The following FBXL8 variants were observed in gnomAD, a reference collection of about 807,000 sequenced individuals.
The protein encoded by FBXL8 is F-box/LRR-repeat protein 8.
A neutral mutation model predicts 8.2 loss-of-function variants in FBXL8; 13 were observed. The ratio of observed to expected loss-of-function variants is 1.58; its 90% CI spans 1.03 to 2.51. The LOEUF is 2.51. Among genes scored for constraint, FBXL8 ranks in the 30% most tolerant of loss-of-function variants. The pLI is 0.00. For missense variants in FBXL8, 565 were observed against 540.4 expected (o/e 1.05, Z -0.45); for synonymous variants, 271 against 260.5 (o/e 1.04, Z -0.39).
chr16:67,162,163 C>T, intron 2 of FBXL8: 1 of 468,878 alleles, frequency 2.1e-6, no homozygotes, highest in South Asian at 3.4e-5. Flanking sequence ...AACCCCGTCT[C>T]TACTAAAATA....
rs199975180 is a variant in FBXL8 at position 67,163,816 on chromosome 16, C to A, written c.1121C>A (p.Ala374Glu). 3.9e-6 allele frequency: 6 copies of A among 1,543,430 alleles called. No individual in the cohort carries two copies. Among genetic ancestry groups the A allele is most frequent in the Middle Eastern group, 3.7e-4 (2 of 5,386 alleles). ...CATCCCTGGAGGCCTACGCTCGTGG[C>A]GTGATTGGGCGACTTCTCTCCCCCG... Reference protein sequence around the residue: ...EPHPWRPTLVA With the variant: ...EPHPWRPTLVE Residue 374 changes from alanine (A) to glutamate (E), a missense_variant, in exon 3 of 3, where the codon GCG (alanine) becomes GAG (glutamate). Coordinates refer to ENST00000258200, the MANE Select transcript of FBXL8 (RefSeq NM_018378.3).
In FBXL8 at chr16:67,163,405, T is replaced by G; in HGVS notation, c.710T>G (p.Leu237Arg). The G allele has an allele frequency of 6.5e-7, 1 of 1,538,290 alleles. No individual in the cohort carries two copies. Among genetic ancestry groups the G allele is most frequent in the Non-Finnish European group, 8.7e-7 (1 of 1,147,588 alleles). Residue 237 changes from leucine (L) to arginine (R), a missense_variant, in exon 3 of 3, where the codon CTG (leucine) becomes CGG (arginine). Transcript: ENST00000258200. Reference sequence around the variant, plus strand: ...CCCGAAGATGCACGCGCGTCCCCGCTGCCCAACGAAGCCTGGGTCGCGTTG... The same window carrying G: ...CCCGAAGATGCACGCGCGTCCCCGCGGCCCAACGAAGCCTGGGTCGCGTTG... ...ACPEDARASP[L>R]PNEAWVALRR...
Position 67,163,303 on chromosome 16 carries a change from T to G in FBXL8, c.608T>G (p.Leu203Trp). 6.3e-7 allele frequency: 1 copy of G among 1,576,406 alleles called. No individual in the cohort carries two copies. The highest frequency in any genetic ancestry group is 1.1e-5 in the South Asian group (1 of 87,722). Residue 203 changes from leucine to tryptophan, a missense_variant, in exon 3 of 3, where the codon TTG (leucine) becomes TGG (tryptophan). By Grantham distance (61) the Leu-to-Trp change is moderately conservative (BLOSUM62 -2). Transcript: ENST00000258200. ...GCTCTCGGCCTGCACCTAGCCAGTT[T>G]GTCGCACGCCATCCTCGAAGCACTG... ...LRALGLHLASLSHAILEALAA... is the reference protein window; with the variant it reads ...LRALGLHLASWSHAILEALAA...
In FBXL8 at chr16:67,161,923, C is replaced by G; in HGVS notation, c.138C>G (p.His46Gln). The change falls in exon 2 of 3, where the codon CAC becomes CAG. Residue 46 changes from histidine to glutamine, a missense_variant. Coordinates refer to ENST00000258200, the MANE Select transcript of FBXL8 (RefSeq NM_018378.3). ...AAAATCSAVW[H>Q]DTKISCECEL... ...CTGCTACCTGCAGCGCCGTGTGGCA[C>G]GACACAAAAATCAGGTGAGCCTGCT... 6.2e-7 allele frequency: 1 copy of G among 1,607,510 alleles called. No homozygotes were observed. Among genetic ancestry groups the G allele is most frequent in the East Asian group, 2.2e-5 (1 of 44,698 alleles).
Position 67,161,918 on chromosome 16 carries a change from TG to T in FBXL8, c.135del (p.Trp45CysfsTer49). The T allele has an allele frequency of 6.2e-7, 1 of 1,608,990 alleles. No individual in the cohort carries two copies. Reference sequence around the variant, plus strand: ...CGCCGCTGCTACCTGCAGCGCCGTGTGGCACGACACAAAAATCAGGTGAGCC... The same window carrying T: ...CGCCGCTGCTACCTGCAGCGCCGTGTGCACGACACAAAAATCAGGTGAGCC... ...WAAAATCSAV[W>X]HDTKISCECE... On this transcript the variant is annotated frameshift_variant, in exon 2 of 3. Transcript: ENST00000258200. LOFTEE classifies it low-confidence loss of function (END_TRUNC).
intron 1 of FBXL8, chr16:67,161,387 G>A (rs1182454750): frequency 5.9e-6 from 1 of 170,150 alleles, no homozygotes; most frequent in Non-Finnish European, 1.3e-5. Flanking sequence ...AGGGTGCAGT[G>A]AGTTGTGATT....
chr16:67,161,441 CAAAAAAAAAGAAAAAAA>C (rs2030895476), intron 1 of FBXL8, among the ~76,000 whole-genome samples: 1 of 100,522 alleles, frequency 9.9e-6, no homozygotes, highest in Non-Finnish European at 2.0e-5. Context: ...GACCCTGTCT[CAAAAAAAAAGAAAAAAA>C]AAAAAAAAAG....
chr16:67,164,112 A>G lies in FBXL8; in HGVS notation c.*292A>G. 1 of 674,450 alleles carries G rather than the reference A, an allele frequency of 1.5e-6. No individual in the cohort carries two copies. The highest frequency in any genetic ancestry group is 2.7e-6 in the Non-Finnish European group (1 of 369,384). The allele number at this position is 674,450 out of a possible 1,614,324, so 41.8% of individuals were successfully genotyped here. On this transcript the variant is annotated 3_prime_UTR_variant, in exon 3 of 3. Coordinates refer to ENST00000258200, the MANE Select transcript of FBXL8 (RefSeq NM_018378.3). Reference sequence around the variant, plus strand: ...AGCTCCGCGGCCCCGGCGCAGGGAGAGGGAGGGCACGGGCGCGGGCCGGGC... The same window carrying G: ...AGCTCCGCGGCCCCGGCGCAGGGAGGGGGAGGGCACGGGCGCGGGCCGGGC...
In FBXL8 at chr16:67,163,155, G is replaced by A; in HGVS notation, c.460G>A (p.Val154Met). The A allele has an allele frequency of 6.4e-7, 1 of 1,567,300 alleles. No individual in the cohort carries two copies. Among genetic ancestry groups the A allele is most frequent in the Non-Finnish European group, 8.6e-7 (1 of 1,157,386 alleles). Residue 154 changes from valine to methionine, a missense_variant, in exon 3 of 3, where the codon GTG (valine) becomes ATG (methionine). Physicochemically the swap from Val to Met is conservative, Grantham distance 21 (BLOSUM62 1). Coordinates refer to ENST00000258200, the MANE Select transcript of FBXL8 (RefSeq NM_018378.3). The part of the protein sequence containing the change: ...RLSFTLDDAL[V>M]LQAARSCPEL... ...GTCCTTCACACTGGACGACGCGCTG[G>A]TGCTGCAGGCGGCGCGCAGCTGTCC...
rs946205002 is a variant in FBXL8 at position 67,163,768 on chromosome 16, C to A, written c.1073C>A (p.Thr358Asn). The stretch of plus-strand genomic sequence containing the variant: ...CACTGCCCGCGCCTGCGCACCTATA[C>A]CCTCAAGCTCACGCGCGAGCCGCAT... ...RAHCPRLRTY[T>N]LKLTREPHPW... The change falls in exon 3 of 3, where the codon ACC becomes AAC. Residue 358 changes from threonine to asparagine, a missense_variant. Coordinates refer to ENST00000258200, the MANE Select transcript of FBXL8 (RefSeq NM_018378.3). 7 of 1,578,428 alleles carry A rather than the reference C, an allele frequency of 4.4e-6. No individual in the cohort carries two copies. The highest frequency in any genetic ancestry group is 1.1e-5 in the South Asian group (1 of 87,684).
chr16:67,161,378 G>A (rs566690203), intron 1 of FBXL8: 2 of 168,758 alleles, frequency 1.2e-5, no homozygotes, highest in African/African-American at 4.8e-5. Context: ...GGGAGACTGA[G>A]GGTGCAGTGA....
chr16:67,162,596 A>G lies in FBXL8; in HGVS notation c.153-252A>G, dbSNP rs937686837. 2.1e-5 allele frequency: 15 copies of G among 710,538 alleles called. No homozygotes were observed. The African/African-American group carries it at 2.6e-4, about 12-fold the overall frequency. 44.0% of individuals were successfully genotyped at this position (710,538 alleles called of 1,614,324 possible). A position where few individuals can be genotyped will look rare whatever the true frequency, so the allele number is the denominator to read the frequency against. On this transcript the variant is annotated intron_variant, in intron 2 of 2. Transcript: ENST00000258200. Reference sequence around the variant, plus strand: ...CAAGACTCCTTAGAGACAGCTGAGAAAGCCCAGTTCCTAAAATATCATTGG... The same window carrying G: ...CAAGACTCCTTAGAGACAGCTGAGAGAGCCCAGTTCCTAAAATATCATTGG...
In FBXL8 at chr16:67,163,966, T is replaced by C. The variant is rs909756444; in HGVS notation, c.*146T>C. ...TACCGAGTTGGGAACTGTGATGGCA[T>C]CGGGACCAGTCCTGGGCGCCCTGAG... On this transcript the variant is annotated 3_prime_UTR_variant, in exon 3 of 3. Transcript: ENST00000258200. The C allele has an allele frequency of 2.4e-6, 3 of 1,256,600 alleles. No individual in the cohort carries two copies. In the African/African-American group the frequency reaches 4.5e-5, roughly 19 times the overall value. The allele number at this position is 1,256,600 out of a possible 1,614,324, so 77.8% of individuals were successfully genotyped here.
Position 67,161,939 on chromosome 16 carries a change from T to G in FBXL8, c.152+2T>G. 1 of 1,602,930 alleles carries G rather than the reference T, an allele frequency of 6.2e-7. No individual in the cohort carries two copies. The highest frequency in any genetic ancestry group is 1.7e-4 in the Middle Eastern group (1 of 6,038). On this transcript the variant is annotated splice_donor_variant, in intron 2 of 2. Coordinates refer to ENST00000258200, the MANE Select transcript of FBXL8 (RefSeq NM_018378.3). LOFTEE classifies it high-confidence loss of function. Reference sequence around the variant, plus strand: ...CGTGTGGCACGACACAAAAATCAGGTGAGCCTGCTCCTCCACACTCCTCTC... The same window carrying G: ...CGTGTGGCACGACACAAAAATCAGGGGAGCCTGCTCCTCCACACTCCTCTC...
Position 67,163,538 on chromosome 16 carries a change from C to T in FBXL8, c.843C>T (p.Arg281=), listed in dbSNP as rs1284195942. ...LQPAVPVAAL[R]LNLSGDTVGP... ...CAGCCGTCCCCGTGGCTGCGCTGCG[C>T]CTCAACCTCTCAGGCGACACCGTAG... The change falls in exon 3 of 3, where the codon CGC becomes CGT. Residue 281 remains arginine (R), a synonymous_variant. Coordinates refer to ENST00000258200, the MANE Select transcript of FBXL8 (RefSeq NM_018378.3). The T allele has an allele frequency of 6.4e-7, 1 of 1,570,268 alleles. No individual in the cohort carries two copies. Among genetic ancestry groups the T allele is most frequent in the African/African-American group, 1.4e-5 (1 of 73,606 alleles).
At chr16:67,161,696 T>G in intron 1 of FBXL8, 39 bp from the exon 2 acceptor site, 2 of 1,430,106 alleles carry the variant, frequency 1.4e-6, no homozygotes, top group Non-Finnish European at 1.9e-6. Context: ...TGCAACACTT[T>G]GCGCCTTCCC....
rs147591659 is a variant in FBXL8, at chr16:67,163,785, G to T, written c.1090G>T (p.Glu364Ter). 1.0e-5 allele frequency: 16 copies of T among 1,567,800 alleles called. No individual in the cohort carries two copies. In the African/African-American group the frequency reaches 1.2e-4, roughly 12 times the overall value. The change falls in exon 3 of 3, where the codon GAG (glutamate) becomes TAG (stop). Residue 364 changes from glutamate to a stop codon, truncating the protein, a stop_gained. Coordinates refer to ENST00000258200, the MANE Select transcript of FBXL8 (RefSeq NM_018378.3). LOFTEE classifies it high-confidence loss of function. ...LRTYTLKLTR[E>*]PHPWRPTLVA Reference sequence around the variant, plus strand: ...CACCTATACCCTCAAGCTCACGCGCGAGCCGCATCCCTGGAGGCCTACGCT... The same window carrying T: ...CACCTATACCCTCAAGCTCACGCGCTAGCCGCATCCCTGGAGGCCTACGCT...
chr16:67,162,698 T>C, intron 2 of FBXL8, 150 bp from the exon 3 acceptor site: 1 of 1,086,206 alleles, frequency 9.2e-7, no homozygotes, highest in Non-Finnish European at 1.4e-6. Context: ...GTTCCCTCCT[T>C]TGGGGCAACA....
chr16:67,162,751 G>T, intron 2 of FBXL8, 97 bp from the exon 3 acceptor site: 1 of 1,510,534 alleles, frequency 6.6e-7, no homozygotes, highest in Non-Finnish European at 9.0e-7. Context: ...GCAGGAAATG[G>T]GATGGCAGCT....
Sources: gnomAD v4.1 joint callset for allele counts (sites outside exome capture counted in the v4.1 genomes callset) on GRCh38, gnomAD v4.1.1 for gene constraint, MANE v1.5 for transcripts, NCBI Gene and HGNC (gene_info 2026-07-23, HGNC 2026-07-21) for gene names.